Variants in SMCO4 observed in about 807,000 individuals in gnomAD.
SMCO4 encodes the protein single-pass membrane and coiled-coil domain-containing protein 4.
In SMCO4, 4 loss-of-function variants were observed where a neutral mutation model predicts 3.6. The ratio of observed to expected loss-of-function variants is 1.11; its 90% CI spans 0.54 to 2.53. The LOEUF is 2.53. Among genes scored for constraint, SMCO4 ranks in the 30% most tolerant of loss-of-function variants. The pLI is 0.02. For synonymous variants in SMCO4, 36 were observed against 35.3 expected (o/e 1.02, Z -0.07); for missense variants, 70 against 80.8 (o/e 0.87, Z 0.51).
chr11:93,547,877 G>A (rs965230116), upstream of SMCO4, among the ~76,000 whole-genome samples: 8 of 152,182 alleles, frequency 5.3e-5, no homozygotes, highest in African/African-American at 1.9e-4. Context: ...ACACAACCTT[G>A]TGCATCAGAG....
chr11:93,516,605 C>T (rs1276547985), intron 1 of SMCO4, among the ~76,000 whole-genome samples: 1 of 152,106 alleles, frequency 6.6e-6, no homozygotes, highest in Non-Finnish European at 1.5e-5. Context: ...GCCTAGCCAA[C>T]ATGGTGAAAC....
At chr11:93,493,319 C>T (rs988655876) in intron 2 of SMCO4, among the ~76,000 whole-genome samples, 1 of 152,138 alleles carries the variant, frequency 6.6e-6, no homozygotes, top group Non-Finnish European at 1.5e-5. Flanking sequence ...CAAGCCTGGG[C>T]ACCAGAACAG....
intron 1 of SMCO4, among the ~76,000 whole-genome samples, chr11:93,499,822 G>C (rs1267975578): frequency 6.6e-6 from 1 of 152,158 alleles, no homozygotes; most frequent in East Asian, 1.9e-4. Flanking sequence ...AAAAATAAAA[G>C]ATGAGAAAGT....
intron 2 of SMCO4, among the ~76,000 whole-genome samples, chr11:93,492,342 A>T (rs1948727017): frequency 1.3e-5 from 2 of 152,226 alleles, no homozygotes; most frequent in Admixed American, 1.3e-4. Flanking sequence ...GGTCCATCTG[A>T]TCATTCATTG....
At chr11:93,541,985 A>T (rs1949274547) in intron 1 of SMCO4, among the ~76,000 whole-genome samples, 1 of 152,316 alleles carries the variant, frequency 6.6e-6, no homozygotes, top group African/African-American at 2.4e-5. Flanking sequence ...ATCCAAGGTC[A>T]AACTTCTTGC....
chr11:93,552,127 A>T, the SMCO4 span, among the ~76,000 whole-genome samples: 1 of 151,266 alleles, frequency 6.6e-6, no homozygotes, highest in Non-Finnish European at 1.5e-5. Context: ...TTTATAATTT[A>T]AAAAAAAGTC....
intron 2 of SMCO4, among the ~76,000 whole-genome samples, chr11:93,494,504 C>T (rs754870315): frequency 1.3e-5 from 2 of 152,146 alleles, no homozygotes; most frequent in South Asian, 2.1e-4. Flanking sequence ...TTTCCAAACC[C>T]GCAGGAATCC....
At chr11:93,542,084 G>A (rs1244141352) in intron 1 of SMCO4, among the ~76,000 whole-genome samples, 2 of 146,246 alleles carry the variant, frequency 1.4e-5, no homozygotes, top group African/African-American at 5.1e-5. Flanking sequence ...GCATACTGGT[G>A]TCTTGAATAC....
chr11:93,521,996 T>G (rs1949061847), intron 1 of SMCO4, among the ~76,000 whole-genome samples: 1 of 152,228 alleles, frequency 6.6e-6, no homozygotes, highest in South Asian at 2.1e-4. Context: ...TCTATTTCAT[T>G]TAAAAATGTA....
chr11:93,524,784 G>A (rs544090407), intron 1 of SMCO4, among the ~76,000 whole-genome samples: 6 of 152,130 alleles, frequency 3.9e-5, no homozygotes, highest in Non-Finnish European at 8.8e-5. Flanking sequence ...CATCCAATGC[G>A]TTCCCCACCT....
chr11:93,494,490 G>C (rs1948752909), intron 2 of SMCO4, among the ~76,000 whole-genome samples: 1 of 152,166 alleles, frequency 6.6e-6, no homozygotes, highest in African/African-American at 2.4e-5. Flanking sequence ...CTGTCAGAGT[G>C]CCATTTCCAA....
intron 1 of SMCO4, among the ~76,000 whole-genome samples, chr11:93,521,244 C>G (rs1949055951): frequency 6.6e-6 from 1 of 152,188 alleles, no homozygotes; most frequent in African/African-American, 2.4e-5. Flanking sequence ...AGATCAAGAT[C>G]AATAACCATC....
At chr11:93,488,426 G>A (rs1948675109) in intron 2 of SMCO4, among the ~76,000 whole-genome samples, 1 of 152,256 alleles carries the variant, frequency 6.6e-6, no homozygotes, top group South Asian at 2.1e-4. Context: ...CAGTGAAGAT[G>A]CTAATGAATT....
intron 1 of SMCO4, among the ~76,000 whole-genome samples, chr11:93,506,425 C>T (rs916361509): frequency 6.6e-6 from 1 of 150,814 alleles, no homozygotes; most frequent in Non-Finnish European, 1.5e-5. Flanking sequence ...ATATTCTCTA[C>T]TGCCACACAC....
upstream of SMCO4, among the ~76,000 whole-genome samples, chr11:93,548,108 C>A (rs999603831): frequency 1.3e-5 from 2 of 152,316 alleles, no homozygotes; most frequent in African/African-American, 4.8e-5. Flanking sequence ...CCTGGCTGTG[C>A]ATTCTCTGTA....
At chr11:93,542,694 A>T (rs2399675) in intron 1 of SMCO4, among the ~76,000 whole-genome samples, 1 of 152,098 alleles carries the variant, frequency 6.6e-6, no homozygotes, top group South Asian at 2.1e-4. Context: ...TCGGTCCCGA[A>T]AGAACGGGGG....
intron 1 of SMCO4, among the ~76,000 whole-genome samples, chr11:93,534,582 T>C (rs182667345): frequency 1.6e-3 from 248 of 152,274 alleles, no homozygotes; most frequent in Admixed American, 3.6e-3. Context: ...GGAGATAAAA[T>C]AGCTGCTCAA....
At position 93,479,227 on chromosome 11, in the gene SMCO4, A is replaced by G. The variant is rs918873487; in HGVS notation, c.-38T>C. ...ATGCTAGGAGGGTGTGTCCAGAGGG[A>G]TTCCAGGAAGGGCCACACTCCTCTT... On this transcript the variant is annotated 5_prime_UTR_variant, in exon 3 of 3. Transcript: ENST00000298966. 1.9e-6 allele frequency: 3 copies of G among 1,595,268 alleles called. No homozygotes were observed. Among genetic ancestry groups the G allele is most frequent in the Non-Finnish European group, 2.6e-6 (3 of 1,168,468 alleles).
intron 2 of SMCO4, among the ~76,000 whole-genome samples, chr11:93,494,060 T>C (rs187399689): frequency 1.3e-5 from 2 of 152,302 alleles, no homozygotes; most frequent in East Asian, 3.9e-4. Flanking sequence ...TACTGCTTTG[T>C]CAAGCCTTAA....
Sources: gnomAD v4.1 joint callset for allele counts (sites outside exome capture counted in the v4.1 genomes callset) on GRCh38, gnomAD v4.1.1 for gene constraint, MANE v1.5 for transcripts, NCBI Gene and HGNC (gene_info 2026-07-23, HGNC 2026-07-21) for gene names.